DISP1: variants seen among roughly 807,000 people sequenced by gnomAD.
DISP1 encodes dispatched RND transporter family member 1.
In DISP1, 30 loss-of-function variants were observed where a neutral mutation model predicts 37.3. That is an observed-to-expected ratio of 0.80 (90% CI 0.60 to 1.09). The LOEUF (loss-of-function observed/expected upper bound fraction) is 1.09, where lower values mean the gene tolerates loss of function less well. Ranked by LOEUF, DISP1 falls within the 50% of genes least tolerant of loss-of-function variation. The pLI is 0.00. For synonymous variants in DISP1, 634 were observed against 690.2 expected (o/e 0.92, Z 1.28); for missense variants, 1,598 against 1,879.5 (o/e 0.85, Z 2.77).
chr1:222,861,556 C>A (rs1668881271), intron 1 of DISP1, among the ~76,000 whole-genome samples: 1 of 152,156 alleles, frequency 6.6e-6, no homozygotes, highest in Non-Finnish European at 1.5e-5. Context: ...GCTTGCTAGC[C>A]ATGTCACTTA....
intron 3 of DISP1, among the ~76,000 whole-genome samples, chr1:222,975,191 A>AT (rs897839944): frequency 3.3e-5 from 5 of 151,930 alleles, no homozygotes; most frequent in African/African-American, 1.2e-4. Context: ...ACCCCAGCTA[A>AT]TTTTTTTATT....
At chr1:222,873,099 A>C (rs1391136617) in intron 1 of DISP1, among the ~76,000 whole-genome samples, 1 of 152,128 alleles carries the variant, frequency 6.6e-6, no homozygotes, top group Non-Finnish European at 1.5e-5. Context: ...TGAGTTTCTT[A>C]ATCCTGAGTT....
intron 3 of DISP1, among the ~76,000 whole-genome samples, chr1:222,960,342 G>A (rs909410494): frequency 6.6e-6 from 1 of 152,168 alleles, no homozygotes; most frequent in Non-Finnish European, 1.5e-5. Context: ...CAATTACATG[G>A]AAATCGAATA....
rs189574760 is a variant in DISP1 at position 222,894,013 on chromosome 1, G to A, written c.-158-34417G>A. 1.2e-4 allele frequency among the ~76,000 whole-genome samples: 19 copies of A among 152,228 alleles called. 1 individual carries two copies. The East Asian group carries it at 3.7e-3, about 30-fold the overall frequency. ...TCCCGCAGGCAGGTCATCCCTACAA[G>A]TTGAGGAGACGTGAAGTGGGTAGTT... On this transcript the variant is annotated intron_variant, in intron 1 of 8. Transcript: ENST00000675850.
chr1:222,875,832 A>T (rs1390600856), intron 1 of DISP1, among the ~76,000 whole-genome samples: 12 of 5,994 alleles, frequency 2.0e-3, no homozygotes, highest in East Asian at 5.1e-3. Context: ...CATCTCAATA[A>T]AAAAAAAAAA....
At chr1:222,876,479 G>T (rs1016896497) in intron 1 of DISP1, among the ~76,000 whole-genome samples, 4 of 152,160 alleles carry the variant, frequency 2.6e-5, no homozygotes, top group African/African-American at 9.7e-5. Flanking sequence ...ATGGTTCACT[G>T]CAGCACTGTC....
rs1314254894 is a variant in DISP1, at chr1:222,983,053, T to C, written c.510-27T>C. 7 of 1,574,218 alleles carry C rather than the reference T, an allele frequency of 4.4e-6. No homozygotes were observed. The Admixed American group carries it at 9.0e-5, about 20-fold the overall frequency. On this transcript the variant is annotated intron_variant, in intron 3 of 8. Transcript: ENST00000675850. ...GTTTATGATGCTCTGTTTTTGATCA[T>C]TTTTCCTTTGCTTTTTTTTTTTTCA...
At chr1:222,874,560 A>T (rs1669837465) in intron 1 of DISP1, among the ~76,000 whole-genome samples, 1 of 152,024 alleles carries the variant, frequency 6.6e-6, no homozygotes, top group South Asian at 2.1e-4. Flanking sequence ...TCGGTTACTG[A>T]GGCTTGTGCA....
chr1:222,853,898 A>G (rs900572801), intron 1 of DISP1, among the ~76,000 whole-genome samples: 1 of 152,240 alleles, frequency 6.6e-6, no homozygotes, highest in Non-Finnish European at 1.5e-5. Flanking sequence ...GATGTTGAGC[A>G]TTCCCAACAC....
chr1:222,951,301 A>G (rs1216627340), intron 3 of DISP1, among the ~76,000 whole-genome samples: 2 of 151,690 alleles, frequency 1.3e-5, no homozygotes, highest in Non-Finnish European at 2.9e-5. Flanking sequence ...CATTTTTCTC[A>G]GAGGTTTTCT....
At chr1:222,931,042 C>T (rs1159267936) in intron 2 of DISP1, among the ~76,000 whole-genome samples, 2 of 151,940 alleles carry the variant, frequency 1.3e-5, no homozygotes, top group African/African-American at 4.8e-5. Context: ...TCTCAAACTT[C>T]ACAAAACAGC....
At chr1:222,825,005 T>G (rs1663964232) in intron 1 of DISP1, among the ~76,000 whole-genome samples, 4 of 152,206 alleles carry the variant, frequency 2.6e-5, no homozygotes, top group Admixed American at 2.0e-4. Flanking sequence ...ATAAAAAGGC[T>G]GTTTTGAAAT....
intron 1 of DISP1, among the ~76,000 whole-genome samples, chr1:222,858,357 A>G (rs918823482): frequency 1.3e-5 from 2 of 152,190 alleles, no homozygotes; most frequent in African/African-American, 4.8e-5. Flanking sequence ...TTAAATATAA[A>G]ACCAAAAGCC....
chr1:222,883,434 A>G lies in DISP1; in HGVS notation c.-158-44996A>G, dbSNP rs146924161. ...GGAGTTTGAGACCAGCCTGGCCAAC[A>G]TGGTAAAACCGCGTCGCTACTAAAA... On this transcript the variant is annotated intron_variant, in intron 1 of 8. Coordinates refer to ENST00000675850, the MANE Select transcript of DISP1 (RefSeq NM_001377229.1). Among the ~76,000 whole-genome samples, 151 of 152,292 alleles carry G rather than the reference A, an allele frequency of 9.9e-4. 4 individuals carry two copies. The East Asian group carries it at 0.027, about 27-fold the overall frequency.
chr1:222,837,402 T>C (rs1262223696), intron 1 of DISP1: 4 of 222,412 alleles, frequency 1.8e-5, no homozygotes, highest in Non-Finnish European at 3.5e-5. Flanking sequence ...TTTTTTTTGG[T>C]ATTTCTTTGT....
intron 2 of DISP1, among the ~76,000 whole-genome samples, chr1:222,936,786 A>ATATATATAATATATTATATATATAAAT (rs1673818868): frequency 1.9e-5 from 1 of 53,464 alleles, no homozygotes; most frequent in East Asian, 3.6e-4. Context: ...ATCATATATA[A>ATATATATAATATATTATATATATAAAT]TATATATAAT....
intron 1 of DISP1, among the ~76,000 whole-genome samples, chr1:222,913,570 CT>C (rs1447620643): frequency 1.3e-5 from 2 of 151,852 alleles, no homozygotes; most frequent in East Asian, 1.9e-4. Context: ...AACTTTTTGT[CT>C]TTAAAAAAAG....
At chr1:222,977,463 A>G (rs189157325) in intron 3 of DISP1, among the ~76,000 whole-genome samples, 35 of 145,838 alleles carry the variant, frequency 2.4e-4, no homozygotes, top group Non-Finnish European at 4.2e-4. Context: ...CCATAACTTT[A>G]CATGTACTTC....
Position 223,003,186 on chromosome 1 carries a change from G to A in DISP1, c.1789G>A (p.Val597Ile), listed in dbSNP as rs1425543683. The change falls in exon 9 of 9, where the codon GTA becomes ATA. Residue 597 changes from valine to isoleucine, a missense_variant. By Grantham distance (29) the Val-to-Ile change is conservative (BLOSUM62 3). Transcript: ENST00000675850. The surrounding 1 kb of genome is among the most constrained non-coding windows in gnomAD (Gnocchi z 4.3). ...GCCTCATGCCGAAACCTCAGAAACA[G>A]TAAGCATCACCTTGCAGCACGCTGC... The part of the protein sequence containing the change: ...DKPHAETSET[V>I]SITLQHAALS... 6.2e-7 allele frequency: 1 copy of A among 1,614,112 alleles called. No individual in the cohort carries two copies. Among genetic ancestry groups the A allele is most frequent in the East Asian group, 2.2e-5 (1 of 44,892 alleles).
Sources: gnomAD v4.1 joint callset for allele counts (sites outside exome capture counted in the v4.1 genomes callset) on GRCh38, gnomAD v4.1.1 for gene constraint, Gnocchi (gnomAD v3.1) non-coding constraint, MANE v1.5 for transcripts, NCBI Gene and HGNC (gene_info 2026-07-23, HGNC 2026-07-21) for gene names.